RIGI: variants seen among roughly 807,000 people sequenced by gnomAD.
The protein encoded by RIGI is antiviral innate immune response receptor RIG-I.
the RIGI span, among the ~76,000 whole-genome samples, chr9:32,510,562 C>A: frequency 6.6e-6 from 1 of 152,178 alleles, no homozygotes. Context: ...ACCACCAGGC[C>A]TGCCTTACAA....
the RIGI span, among the ~76,000 whole-genome samples, chr9:32,495,847 G>A: frequency 5.0e-4 from 76 of 151,988 alleles, 1 homozygote; most frequent in African/African-American, 1.8e-3. Flanking sequence ...AGTAGAGACA[G>A]GGTTTTGCCA....
the RIGI span, among the ~76,000 whole-genome samples, chr9:32,522,572 A>G: frequency 1.3e-5 from 2 of 152,194 alleles, no homozygotes; most frequent in South Asian, 2.1e-4. Flanking sequence ...TAAGCCAAGT[A>G]TATGTAACTG....
At chr9:32,492,179 T>C in the RIGI span, among the ~76,000 whole-genome samples, 1 of 150,754 alleles carries the variant, frequency 6.6e-6, no homozygotes, top group South Asian at 2.1e-4. Flanking sequence ...ATGAGAGTGG[T>C]TTTCCCCAGT....
At chr9:32,471,095 TA>T in the RIGI span, among the ~76,000 whole-genome samples, 1 of 152,156 alleles carries the variant, frequency 6.6e-6, no homozygotes, top group Non-Finnish European at 1.5e-5. Flanking sequence ...CTGTCCCTAC[TA>T]AAAATACAAA....
the RIGI span, among the ~76,000 whole-genome samples, chr9:32,459,857 T>C: frequency 6.6e-6 from 1 of 152,232 alleles, no homozygotes; most frequent in Non-Finnish European, 1.5e-5. Context: ...CTGTACCAGA[T>C]ATACAATATG....
chr9:32,486,314 G>A, the RIGI span, among the ~76,000 whole-genome samples: 25 of 152,036 alleles, frequency 1.6e-4, no homozygotes, highest in African/African-American at 5.3e-4. Flanking sequence ...TTAGCCAGGC[G>A]TGATGGCACA....
chr9:32,500,927 T>C, the RIGI span: 47 of 1,613,856 alleles, frequency 2.9e-5, no homozygotes, highest in Non-Finnish European at 4.0e-5. Context: ...AGCCTGAATA[T>C]ACTGCACCTC....
chr9:32,495,030 G>C, the RIGI span, among the ~76,000 whole-genome samples: 1 of 151,982 alleles, frequency 6.6e-6, no homozygotes. Flanking sequence ...AATTCTTTTG[G>C]AAATACACCA....
the RIGI span, chr9:32,498,479 C>A: frequency 2.5e-6 from 1 of 405,644 alleles, no homozygotes; most frequent in Non-Finnish European, 5.1e-6. Context: ...GGCCACCATG[C>A]AGACTGCAAC....
At chr9:32,455,826 AC>A in the RIGI span, 1 of 152,108 alleles carries the variant, frequency 6.6e-6, no homozygotes, top group Non-Finnish European at 1.5e-5. Context: ...CTCTCCACTA[AC>A]CCTTACAGTT....
the RIGI span, among the ~76,000 whole-genome samples, chr9:32,516,978 G>C: frequency 1.3e-5 from 2 of 152,146 alleles, no homozygotes; most frequent in Admixed American, 1.3e-4. Flanking sequence ...TATAGTAATG[G>C]GAAATTAGAA....
chr9:32,509,242 G>A, the RIGI span, among the ~76,000 whole-genome samples: 4 of 152,232 alleles, frequency 2.6e-5, no homozygotes, highest in African/African-American at 9.6e-5. Flanking sequence ...CACAGTGCTT[G>A]AGCTCTGCTA....
chr9:32,511,448 A>G, the RIGI span, among the ~76,000 whole-genome samples: 1 of 152,234 alleles, frequency 6.6e-6, no homozygotes, highest in East Asian at 1.9e-4. Context: ...CTGCACAACT[A>G]CATGGAAACT....
chr9:32,514,505 C>T, the RIGI span, among the ~76,000 whole-genome samples: 829 of 152,210 alleles, frequency 5.4e-3, 1 homozygote, highest in Non-Finnish European at 8.1e-3. Flanking sequence ...TGTTCTCACT[C>T]ATAAGTGGGA....
the RIGI span, chr9:32,498,437 G>A: frequency 2.7e-5 from 12 of 444,590 alleles, no homozygotes; most frequent in African/African-American, 2.4e-4. Context: ...CCTGCTTCTG[G>A]CCCGAGGCTA....
the RIGI span, among the ~76,000 whole-genome samples, chr9:32,470,832 T>G: frequency 6.6e-6 from 1 of 152,220 alleles, no homozygotes; most frequent in Non-Finnish European, 1.5e-5. Context: ...CAGAAACAAA[T>G]TCAGCTAAAA....
chr9:32,480,071 A>G, the RIGI span: 2 of 737,530 alleles, frequency 2.7e-6, no homozygotes, highest in Non-Finnish European at 4.1e-6. Flanking sequence ...TTGAAGCTAA[A>G]TAGTCCTACC....
chr9:32,478,199 A>G, the RIGI span, among the ~76,000 whole-genome samples: 3 of 152,084 alleles, frequency 2.0e-5, no homozygotes, highest in East Asian at 5.9e-4. Flanking sequence ...GCGTGCCACC[A>G]TATCTGGCTA....
At chr9:32,475,397 T>C in the RIGI span, among the ~76,000 whole-genome samples, 4 of 152,242 alleles carry the variant, frequency 2.6e-5, no homozygotes, top group Non-Finnish European at 2.9e-5. Flanking sequence ...CATCACCCCA[T>C]GTCAAGACTT....
Sources: gnomAD v4.1 joint callset for allele counts (sites outside exome capture counted in the v4.1 genomes callset) on GRCh38, gnomAD v4.1.1 for gene constraint, MANE v1.5 for transcripts, NCBI Gene and HGNC (gene_info 2026-07-23, HGNC 2026-07-21) for gene names.